PRKD1: variants seen among roughly 807,000 people sequenced by gnomAD.
PRKD1 encodes protein kinase D1, also known as serine/threonine-protein kinase D1.
A neutral mutation model predicts 95.9 loss-of-function variants in PRKD1; 63 were observed. The observed-to-expected ratio is 0.66, with a 90% CI of 0.54 to 0.81. The LOEUF is 0.81. PRKD1 is among the 30% of genes least tolerant of loss of function. The pLI, the probability that PRKD1 is intolerant of heterozygous loss-of-function variation, is 0.00. For missense variants in PRKD1, 1,048 were observed against 1,165.3 expected (o/e 0.90, Z 1.47); for synonymous variants, 425 against 423.1 (o/e 1.00, Z -0.05).
intron 13 of PRKD1, among the ~76,000 whole-genome samples, chr14:29,609,697 C>A (rs998393825): frequency 1.4e-5 from 2 of 144,082 alleles, no homozygotes; most frequent in Admixed American, 7.2e-5. Context: ...AGCACCACCA[C>A]GCCCAGCTAT....
intron 1 of PRKD1, among the ~76,000 whole-genome samples, chr14:29,876,568 A>G (rs1893297565): frequency 6.6e-6 from 1 of 152,166 alleles, no homozygotes; most frequent in Admixed American, 6.5e-5. Flanking sequence ...AACTTCATCA[A>G]AATTTAAATT....
At chr14:29,716,032 T>G (rs1885591681) in intron 2 of PRKD1, among the ~76,000 whole-genome samples, 2 of 152,300 alleles carry the variant, frequency 1.3e-5, no homozygotes, top group Non-Finnish European at 2.9e-5. Flanking sequence ...GACCAGACCG[T>G]TAAACTTCCA....
chr14:29,740,402 A>G (rs192339176), intron 1 of PRKD1, among the ~76,000 whole-genome samples: 1 of 152,334 alleles, frequency 6.6e-6, no homozygotes, highest in Admixed American at 6.5e-5. Flanking sequence ...AGAAAAACTC[A>G]TTTTAGAGAT....
At chr14:29,853,140 T>A (rs1293147616) in intron 1 of PRKD1, among the ~76,000 whole-genome samples, 1 of 152,136 alleles carries the variant, frequency 6.6e-6, no homozygotes, top group African/African-American at 2.4e-5. Flanking sequence ...CAAGAGACAA[T>A]GAATATTATT....
chr14:29,596,163 G>A (rs879496184), intron 16 of PRKD1, among the ~76,000 whole-genome samples: 4 of 152,188 alleles, frequency 2.6e-5, no homozygotes, highest in Non-Finnish European at 5.9e-5. Context: ...GATAGCTCTT[G>A]TCATTTAATA....
At chr14:29,638,098 G>A (rs1034580022) in intron 6 of PRKD1, among the ~76,000 whole-genome samples, 3 of 151,992 alleles carry the variant, frequency 2.0e-5, no homozygotes, top group African/African-American at 7.3e-5. Flanking sequence ...GGCTGACAAA[G>A]TTCCTTTTAT....
intron 1 of PRKD1, among the ~76,000 whole-genome samples, chr14:29,913,554 G>A (rs10131467): frequency 0.024 from 3,600 of 152,170 alleles, 149 homozygotes; most frequent in African/African-American, 0.083. Flanking sequence ...TTGAAAAAAA[G>A]GCAAAGATCA....
chr14:29,738,231 T>C (rs1487126154), intron 1 of PRKD1, among the ~76,000 whole-genome samples: 1 of 152,200 alleles, frequency 6.6e-6, no homozygotes, highest in Non-Finnish European at 1.5e-5. Context: ...TGTGACCACA[T>C]AGCTATGTGT....
At chr14:29,700,714 T>C (rs1222522894) in intron 2 of PRKD1, among the ~76,000 whole-genome samples, 1 of 152,130 alleles carries the variant, frequency 6.6e-6, no homozygotes, top group Non-Finnish European at 1.5e-5. Context: ...GTAAAGCAGT[T>C]TACCCTCCAT....
intron 13 of PRKD1, among the ~76,000 whole-genome samples, chr14:29,607,652 T>C (rs1161186838): frequency 6.6e-6 from 1 of 152,220 alleles, no homozygotes. Flanking sequence ...TCTCACACTT[T>C]GAATCTTTGT....
intron 11 of PRKD1, among the ~76,000 whole-genome samples, chr14:29,627,950 G>A (rs1441574765): frequency 6.6e-6 from 1 of 152,118 alleles, no homozygotes; most frequent in Non-Finnish European, 1.5e-5. Flanking sequence ...TAACTCAATG[G>A]CCGATCCAAA....
At chr14:29,667,959 G>A (rs1194260894) in intron 2 of PRKD1, among the ~76,000 whole-genome samples, 1 of 150,720 alleles carries the variant, frequency 6.6e-6, no homozygotes, top group African/African-American at 2.4e-5. Context: ...ATTTTTTGAA[G>A]AGGATTAACA....
At chr14:29,880,780 C>A (rs948624723) in intron 1 of PRKD1, among the ~76,000 whole-genome samples, 2 of 152,178 alleles carry the variant, frequency 1.3e-5, no homozygotes, top group Non-Finnish European at 2.9e-5. Flanking sequence ...ATCAGTGTGA[C>A]CTGGATGTGA....
intron 13 of PRKD1, among the ~76,000 whole-genome samples, chr14:29,603,566 C>A (rs1179210598): frequency 6.6e-6 from 1 of 152,014 alleles, no homozygotes; most frequent in Non-Finnish European, 1.5e-5. Context: ...TTTTTTAATA[C>A]CTTAAGTACA....
intron 13 of PRKD1, among the ~76,000 whole-genome samples, chr14:29,607,542 G>A (rs915500975): frequency 1.3e-5 from 2 of 152,098 alleles, no homozygotes; most frequent in African/African-American, 4.8e-5. Context: ...CCGTTTCCTC[G>A]CTGGCTGTGA....
At chr14:29,785,326 C>T (rs552739075) in intron 1 of PRKD1, among the ~76,000 whole-genome samples, 1 of 152,206 alleles carries the variant, frequency 6.6e-6, no homozygotes, top group Non-Finnish European at 1.5e-5. Flanking sequence ...ATTTTTGTAG[C>T]TATTGTAAAT....
chr14:29,700,692 G>A (rs896456951), intron 2 of PRKD1, among the ~76,000 whole-genome samples: 2 of 152,044 alleles, frequency 1.3e-5, no homozygotes, highest in Admixed American at 6.6e-5. Context: ...ATGAGATTCC[G>A]GTAGACTTTG....
Position 29,927,482 on chromosome 14 carries a change from T to C in PRKD1, c.31A>G (p.Ser11Gly). 1 of 1,240,856 alleles carries C rather than the reference T, an allele frequency of 8.1e-7. No individual in the cohort carries two copies. Among genetic ancestry groups the C allele is most frequent in the Non-Finnish European group, 1.0e-6 (1 of 997,384 alleles). The allele number at this position is 1,240,856 out of a possible 1,614,324, so 76.9% of individuals were successfully genotyped here. A position where few individuals can be genotyped will look rare whatever the true frequency, so the allele number is the denominator to read the frequency against. Reference protein sequence around the residue: MSAPPVLRPPSPLLPVAAAAA... With the variant: MSAPPVLRPPGPLLPVAAAAA... ...GCCGCCGCCACGGGCAGCAGCGGAC[T>C]GGGCGGCCGCAGGACCGGAGGGGCG... is the stretch of plus-strand genomic sequence containing the variant. The change falls in exon 1 of 18, where the codon AGT (serine) becomes GGT (glycine). Residue 11 changes from serine (S) to glycine (G), a missense_variant. Ser to Gly is a moderately conservative substitution (Grantham distance 56). This residue lies in a region of PRKD1 where 34 missense variants were observed against 54.8 expected (regional missense o/e 0.62). Transcript: ENST00000331968.
chr14:29,713,810 A>G (rs1594451983), intron 2 of PRKD1, among the ~76,000 whole-genome samples: 1 of 152,120 alleles, frequency 6.6e-6, no homozygotes, highest in African/African-American at 2.4e-5. Flanking sequence ...TATACTTTAC[A>G]TCATAACCAT....
Sources: allele counts gnomAD v4.1 joint callset (sites outside exome capture counted in the v4.1 genomes callset), GRCh38; gene constraint gnomAD v4.1.1; regional missense constraint gnomAD v4.1.1; transcripts MANE v1.5; gene names NCBI Gene and HGNC (gene_info 2026-07-23, HGNC 2026-07-21).